The following C5 variants were observed in gnomAD, a reference collection of about 807,000 sequenced individuals.
C5 encodes the protein C3 and PZP-like alpha-2-macroglobulin domain-containing protein 4.
C5 carries 140 observed loss-of-function variants against 218.8 expected under a neutral mutation model. The ratio of observed to expected loss-of-function variants is 0.64; its 90% CI spans 0.56 to 0.74. The LOEUF is 0.74. Among genes scored for constraint, C5 ranks in the 30% least tolerant of loss-of-function variants. C5 has a pLI of 0.00. For missense variants in C5, 1,700 were observed against 1,969.6 expected, an observed-to-expected ratio of 0.86 and a Z score of 2.59; for synonymous variants, 614 against 682.3, an observed-to-expected ratio of 0.90 and a Z score of 1.56.
At chr9:121,018,665 AGGAAGGAAG>A (rs1564153823) in intron 12 of C5, among the ~76,000 whole-genome samples, 11 of 125,666 alleles carry the variant, frequency 8.8e-5, no homozygotes, top group East Asian at 2.8e-4. Flanking sequence ...GAAAGAAGGA[AGGAAGGAAG>A]GAAAGAAGGG....
At chr9:120,996,150 AC>A (rs1236277889) in intron 22 of C5, 89 bp downstream of exon 22, 3 of 1,023,204 alleles carry the variant, frequency 2.9e-6, no homozygotes, top group Non-Finnish European at 4.7e-6. Flanking sequence ...TAGACAATTC[AC>A]TTTCTGAAAA....
intron 31 of C5, among the ~76,000 whole-genome samples, chr9:120,970,972 G>C (rs2046907880): frequency 6.6e-6 from 1 of 152,082 alleles, no homozygotes; most frequent in Non-Finnish European, 1.5e-5. Flanking sequence ...AGGAGTTTGA[G>C]ACCAGCCTGG....
chr9:121,021,191 G>T (rs1208452801), intron 11 of C5, among the ~76,000 whole-genome samples: 2 of 152,150 alleles, frequency 1.3e-5, no homozygotes, highest in African/African-American at 4.8e-5. Context: ...TTAAAAGTGA[G>T]GGGGGAAGAG....
At chr9:121,017,939 A>T (rs1053407749) in intron 12 of C5, 87 bp from the exon 13 acceptor site, 6 of 834,628 alleles carry the variant, frequency 7.2e-6, no homozygotes, top group Non-Finnish European at 1.2e-5. Flanking sequence ...CTGGAGCTGG[A>T]GCAGAAATTA....
chr9:121,030,373 C>CA, intron 7 of C5, 24 bp downstream of exon 7: 11 of 1,249,136 alleles, frequency 8.8e-6, no homozygotes, highest in Middle Eastern at 2.0e-4. Flanking sequence ...AAAATAAAAA[C>CA]AACAAAAAAA....
Position 120,952,884 on chromosome 9 carries a change from GTGTT to G in C5, c.4902-20_4902-17del. ...GTAGATGTACCTACCAAGAAACAAAGTGTTTGTGAGGTGGCCACAAAACAGAAAA... is the reference window on the plus strand; with the variant it reads ...GTAGATGTACCTACCAAGAAACAAAGTGTGAGGTGGCCACAAAACAGAAAA... On this transcript the variant is annotated splice_polypyrimidine_tract_variant and intron_variant, in intron 40 of 40. Coordinates refer to ENST00000223642, the MANE Select transcript of C5 (RefSeq NM_001735.3). 5 of 1,613,024 alleles carry G rather than the reference GTGTT, an allele frequency of 3.1e-6. No homozygotes were observed. In the East Asian group the frequency reaches 1.1e-4, roughly 36 times the overall value.
rs1183941212 is a variant in C5 at position 121,030,398 on chromosome 9, T to C, written c.757A>G (p.Arg253Gly). 7.0e-7 allele frequency: 1 copy of C among 1,422,780 alleles called. No individual in the cohort carries two copies. 88.1% of individuals were successfully genotyped at this position (1,422,780 alleles called of 1,614,324 possible). A position where few individuals can be genotyped will look rare whatever the true frequency, so the allele number is the denominator to read the frequency against. ...CAACAAAAAAACAAATGTTCTTACC[T>C]TGCTTTTATAGTAATTTCAAAATTC... is the stretch of plus-strand genomic sequence containing the variant. ...FKNFEITIKA[R>G]YFYNKVVTEA... The change falls in exon 7 of 41, where the codon AGA becomes GGA. Residue 253 changes from arginine to glycine, a missense_variant and splice_region_variant. By Grantham distance (125) the Arg-to-Gly change is moderately radical. Coordinates refer to ENST00000223642, the MANE Select transcript of C5 (RefSeq NM_001735.3).
At chr9:121,017,323 A>C in intron 14 of C5, 39 bp downstream of exon 14, 1 of 1,611,998 alleles carries the variant, frequency 6.2e-7, no homozygotes, top group Non-Finnish European at 8.5e-7. Flanking sequence ...TGGTGGCCAC[A>C]CTTCATGCAA....
intron 7 of C5, among the ~76,000 whole-genome samples, chr9:121,028,567 C>T (rs1402506554): frequency 6.6e-6 from 1 of 152,062 alleles, no homozygotes; most frequent in Non-Finnish European, 1.5e-5. Context: ...AGCTGGAAAC[C>T]ATCATTCTGA....
intron 28 of C5, among the ~76,000 whole-genome samples, chr9:120,979,208 T>C (rs2046974101): frequency 6.6e-6 from 1 of 152,198 alleles, no homozygotes; most frequent in South Asian, 2.1e-4. Context: ...CCTCAGGGCA[T>C]TTGCACGTGC....
At chr9:121,061,731 G>C in the C5 span, among the ~76,000 whole-genome samples, 91 of 152,268 alleles carry the variant, frequency 6.0e-4, no homozygotes, top group Non-Finnish European at 1.1e-3. Context: ...CATTTCACTT[G>C]CATGTGCAAT....
intron 31 of C5, 57 bp downstream of exon 31, chr9:120,971,873 T>C: frequency 7.4e-7 from 1 of 1,343,768 alleles, no homozygotes; most frequent in Non-Finnish European, 1.1e-6. Flanking sequence ...CTAACTTTTA[T>C]GTTACCTAGT....
chr9:121,037,563 G>A (rs965441984), intron 4 of C5, among the ~76,000 whole-genome samples: 13 of 152,014 alleles, frequency 8.6e-5, no homozygotes, highest in African/African-American at 1.9e-4. Flanking sequence ...CACCTGCCTC[G>A]GCCTCCCAAA....
At chr9:121,061,060 C>T in the C5 span, among the ~76,000 whole-genome samples, 14 of 152,082 alleles carry the variant, frequency 9.2e-5, no homozygotes, top group Non-Finnish European at 1.9e-4. Flanking sequence ...TGGTGGTGGG[C>T]GCCTGTAATC....
chr9:121,027,068 G>T, intron 8 of C5, 92 bp downstream of exon 8: 1 of 749,064 alleles, frequency 1.3e-6, no homozygotes, highest in South Asian at 1.5e-5. Flanking sequence ...TATCTAAAAT[G>T]GGGGATTGGA....
At chr9:120,953,977 G>T in intron 39 of C5, 109 bp from the exon 40 acceptor site, 1 of 1,065,970 alleles carries the variant, frequency 9.4e-7, no homozygotes, top group Non-Finnish European at 1.4e-6. Flanking sequence ...TTCATGGCTA[G>T]TGGACAGCCG....
At chr9:120,984,561 T>A (rs1233537542) in intron 25 of C5, among the ~76,000 whole-genome samples, 1 of 152,132 alleles carries the variant, frequency 6.6e-6, no homozygotes. Flanking sequence ...TCTGTATATA[T>A]AAAGATGCTT....
At chr9:120,956,444 A>G (rs2046785269) in intron 39 of C5, among the ~76,000 whole-genome samples, 1 of 152,222 alleles carries the variant, frequency 6.6e-6, no homozygotes, top group African/African-American at 2.4e-5. Flanking sequence ...ATGGAAAAAC[A>G]TTCCACGCTC....
intron 31 of C5, among the ~76,000 whole-genome samples, chr9:120,971,338 A>G (rs184215407): frequency 1.3e-5 from 2 of 151,962 alleles, no homozygotes; most frequent in East Asian, 1.9e-4. Context: ...ATGTATATAC[A>G]CATATGCCAT....
Sources: gnomAD v4.1 joint callset for allele counts (sites outside exome capture counted in the v4.1 genomes callset) on GRCh38, gnomAD v4.1.1 for gene constraint, MANE v1.5 for transcripts, NCBI Gene and HGNC (gene_info 2026-07-23, HGNC 2026-07-21) for gene names.